HAUS4: variants seen among roughly 807,000 people sequenced by gnomAD.
The protein encoded by HAUS4 is HAUS augmin like complex subunit 4.
In HAUS4, 34 loss-of-function variants were observed where a neutral mutation model predicts 50.6. The ratio of observed to expected loss-of-function variants is 0.67; its 90% CI spans 0.51 to 0.90. HAUS4 has a LOEUF of 0.90. Among genes scored for constraint, HAUS4 ranks in the 40% least tolerant of loss-of-function variants. The pLI, the probability that HAUS4 is intolerant of heterozygous loss-of-function variation, is 0.00. For missense variants in HAUS4, 370 were observed against 428.7 expected (o/e 0.86, Z 1.21); for synonymous variants, 149 against 161.4 (o/e 0.92, Z 0.58).
chr14:22,947,144 C>G, intron 9 of HAUS4, 27 bp downstream of exon 9: 1 of 1,392,188 alleles, frequency 7.2e-7, no homozygotes. Flanking sequence ...CTGTGAACAG[C>G]TGTACCAGAC....
intron 6 of HAUS4, among the ~76,000 whole-genome samples, chr14:22,949,990 G>A (rs1460778000): frequency 6.6e-6 from 1 of 151,436 alleles, no homozygotes; most frequent in Non-Finnish European, 1.5e-5. Context: ...TAGCCGAGCG[G>A]GGTGGCGCAT....
chr14:22,947,559 G>C, intron 8 of HAUS4, 42 bp downstream of exon 8: 1 of 1,607,444 alleles, frequency 6.2e-7, no homozygotes, highest in Non-Finnish European at 8.5e-7. Flanking sequence ...GGCTGATAAC[G>C]TGAGACAGAA....
intron 2 of HAUS4, among the ~76,000 whole-genome samples, chr14:22,953,116 A>T (rs1321496524): frequency 6.6e-6 from 1 of 152,156 alleles, no homozygotes; most frequent in Non-Finnish European, 1.5e-5. Flanking sequence ...CTAACAGAAT[A>T]CACTTAGAGT....
chr14:22,953,797 T>A (rs1474116362), intron 2 of HAUS4, among the ~76,000 whole-genome samples: 4 of 151,416 alleles, frequency 2.6e-5, no homozygotes, highest in East Asian at 1.9e-4. Flanking sequence ...TTTTTTTTTT[T>A]TTTTTTGTAT....
intron 5 of HAUS4, 77 bp from the exon 6 acceptor site, chr14:22,950,487 G>T: frequency 1.2e-6 from 1 of 813,686 alleles, no homozygotes; most frequent in Non-Finnish European, 2.1e-6. Context: ...AATACATGAT[G>T]ATAACCTCAA....
chr14:22,947,559 G>GT, intron 8 of HAUS4, 42 bp downstream of exon 8: 1 of 1,607,444 alleles, frequency 6.2e-7, no homozygotes. Flanking sequence ...GGCTGATAAC[G>GT]TGAGACAGAA....
chr14:22,949,911 C>G (rs1183902599), intron 6 of HAUS4, among the ~76,000 whole-genome samples: 1 of 152,098 alleles, frequency 6.6e-6, no homozygotes, highest in Non-Finnish European at 1.5e-5. Context: ...GGCGGATCAC[C>G]TGAGGTTGGG....
chr14:22,952,337 C>T lies in HAUS4; in HGVS notation c.321G>A (p.Glu107=). Residue 107 remains glutamate (E), a synonymous_variant, in exon 4 of 10, where the codon GAG becomes GAA. Transcript: ENST00000541587. ...CCAGCCTTTGCCTCACCTTTTTGTC[C>T]TCAGAAGTTACATTTGTGTCTTGTA... ...VKIQDTNVTS[E]DKKFHETLEQ... 1 of 1,613,720 alleles carries T rather than the reference C, an allele frequency of 6.2e-7. No homozygotes were observed. Among genetic ancestry groups the T allele is most frequent in the Non-Finnish European group, 8.5e-7 (1 of 1,179,848 alleles).
Position 22,946,402 on chromosome 14 carries a change from C to A in HAUS4, c.*123G>T. 1 of 629,878 alleles carries A rather than the reference C, an allele frequency of 1.6e-6. No individual in the cohort carries two copies. Among genetic ancestry groups the A allele is most frequent in the South Asian group, 3.0e-5 (1 of 33,054 alleles). 39.0% of individuals were successfully genotyped at this position (629,878 alleles called of 1,614,324 possible). A position where few individuals can be genotyped will look rare whatever the true frequency, so the allele number is the denominator to read the frequency against. On this transcript the variant is annotated 3_prime_UTR_variant, in exon 10 of 10. Transcript: ENST00000541587. ...GAGTGCCTAAATGACTGCAGTGTTT[C>A]AAGCGTAAGCATTTCCACACTCCCT...
chr14:22,950,457 C>T (rs2044732636), intron 5 of HAUS4, 47 bp from the exon 6 acceptor site: 2 of 1,164,940 alleles, frequency 1.7e-6, no homozygotes, highest in Non-Finnish European at 2.6e-6. Flanking sequence ...ACTGTAAAAA[C>T]TAGGACGTCT....
intron 9 of HAUS4, 79 bp from the exon 10 acceptor site, chr14:22,946,787 T>TC (rs2044650534): frequency 9.5e-7 from 1 of 1,051,154 alleles, no homozygotes; most frequent in African/African-American, 1.6e-5. Context: ...AAAACTTTTT[T>TC]TTTTTTTTTT....
chr14:22,946,555 G>A lies in HAUS4; in HGVS notation c.1062C>T (p.Ala354=), dbSNP rs781151137. ...GGTAGACCTTGCTGAACTCCTGGAG[G>A]GCCCACCGCTTGTTCTCTGTTGCCT... ...LKQATENKRW[A]LQEFSKVYR Residue 354 remains alanine, a synonymous_variant, in exon 10 of 10, where the codon GCC becomes GCT. Transcript: ENST00000541587. 8 of 1,613,640 alleles carry A rather than the reference G, an allele frequency of 5.0e-6. No individual in the cohort carries two copies. In the East Asian group the frequency reaches 1.8e-4, roughly 36 times the overall value.
Position 22,953,182 on chromosome 14 carries a change from C to T in HAUS4, c.56-499G>A, listed in dbSNP as rs147095184. On this transcript the variant is annotated intron_variant, in intron 2 of 9. Coordinates refer to ENST00000541587, the MANE Select transcript of HAUS4 (RefSeq NM_001166269.2). ...TTTTTCTTTTTGAGACAGGGTCTCACTCTGTCACCCAGGCTGGAGTGCAGT... is the reference window on the plus strand; with the variant it reads ...TTTTTCTTTTTGAGACAGGGTCTCATTCTGTCACCCAGGCTGGAGTGCAGT... 1.1e-3 allele frequency among the ~76,000 whole-genome samples: 169 copies of T among 152,110 alleles called. 1 individual carries two copies. The highest frequency in any genetic ancestry group is 6.8e-3 in the Middle Eastern group (2 of 294).
intron 4 of HAUS4, among the ~76,000 whole-genome samples, chr14:22,952,040 C>CT (rs1416642897): frequency 2.0e-5 from 3 of 152,072 alleles, no homozygotes; most frequent in African/African-American, 4.8e-5. Context: ...TTTTTTGAGA[C>CT]TGAGTTTCGC....
intron 1 of HAUS4, 171 bp from the exon 2 acceptor site, chr14:22,955,347 G>A (rs2044840756): frequency 1.6e-6 from 1 of 607,478 alleles, no homozygotes; most frequent in Admixed American, 2.9e-5. Context: ...TCTTACACAA[G>A]CTTTATGGAC....
intron 1 of HAUS4, chr14:22,955,666 T>A (rs933408532): frequency 1.3e-5 from 2 of 152,698 alleles, no homozygotes; most frequent in African/African-American, 4.8e-5. Context: ...GTTGGTAGTT[T>A]TTTTTTTTTT....
rs754140448 is a variant in HAUS4, at chr14:22,946,605, C to A, written c.1012G>T (p.Val338Leu). Residue 338 changes from valine to leucine, a missense_variant, in exon 10 of 10, where the codon GTG becomes TTG. By Grantham distance (32) the Val-to-Leu change is conservative. Transcript: ENST00000541587. ...TGCTTGAGTACGGTGTACTCTTTCA[C>A]CAGCCTGTCAAACTCCTCCCCAAGG... ...EVLGEEFDRL[V>L]KEYTVLKQAT... is the part of the protein sequence containing the mutation. The A allele has an allele frequency of 1.4e-5, 23 of 1,614,006 alleles. No individual in the cohort carries two copies. Among genetic ancestry groups the A allele is most frequent in the Non-Finnish European group, 1.9e-5 (23 of 1,179,958 alleles).
At chr14:22,951,253 C>A (rs563482963) in intron 5 of HAUS4, among the ~76,000 whole-genome samples, 1 of 151,918 alleles carries the variant, frequency 6.6e-6, no homozygotes, top group South Asian at 2.1e-4. Flanking sequence ...GATCCTCCCA[C>A]CTCAGCCTCC....
At position 22,947,623 on chromosome 14, in the gene HAUS4, C is replaced by T. The variant is rs778140210; in HGVS notation, c.817G>A (p.Gly273Ser). ...INAQYLEVKC[G>S]AMILKLRMEE... ...CACCTCAGCTTAAGGATCATAGCAC[C>T]GCACTTGACTTCCAGGTACTGGGCA... Residue 273 changes from glycine to serine, a missense_variant, in exon 8 of 10, where the codon GGT becomes AGT. Transcript: ENST00000541587. 37 of 1,614,028 alleles carry T rather than the reference C, an allele frequency of 2.3e-5. No individual in the cohort carries two copies. In the East Asian group the frequency reaches 3.6e-4, roughly 16 times the overall value.
Sources: allele counts gnomAD v4.1 joint callset (sites outside exome capture counted in the v4.1 genomes callset), GRCh38; gene constraint gnomAD v4.1.1; transcripts MANE v1.5; gene names NCBI Gene and HGNC (gene_info 2026-07-23, HGNC 2026-07-21).